The following KIF26B variants were observed in gnomAD, a reference collection of about 807,000 sequenced individuals.
KIF26B encodes kinesin-like protein KIF26B.
KIF26B carries 63 observed loss-of-function variants against 151.2 expected under a neutral mutation model. The ratio of observed to expected loss-of-function variants is 0.42; its 90% CI spans 0.34 to 0.51. KIF26B has a LOEUF of 0.51. Ranked by LOEUF, KIF26B falls within the 20% of genes least tolerant of loss-of-function variation. The pLI is 0.07. For missense variants in KIF26B, 2,813 were observed against 2,913.6 expected (o/e 0.97, Z 0.79); for synonymous variants, 1,357 against 1,262.1 (o/e 1.08, Z -1.59).
chr1:245,650,202 G>A (rs778853006), intron 10 of KIF26B, among the ~76,000 whole-genome samples: 13 of 152,180 alleles, frequency 8.5e-5, no homozygotes, highest in Non-Finnish European at 1.8e-4. Flanking sequence ...CCACCTCCAG[G>A]GAACCCTGCC....
rs150488108 is a variant in KIF26B at position 245,404,739 on chromosome 1, T to C, written c.1000-14840T>C. Among the ~76,000 whole-genome samples the C allele has an allele frequency of 3.3e-5, 5 of 152,296 alleles. No individual in the cohort carries two copies. In the East Asian group the frequency reaches 9.6e-4, roughly 29 times the overall value. ...TTTACTTAGTGAAGACATAATGAGA[T>C]GGTACAATTCTCTGGTGTCAACTTT... On this transcript the variant is annotated intron_variant, in intron 3 of 14. Transcript: ENST00000407071.
chr1:245,516,976 G>T lies in KIF26B; in HGVS notation c.1167-23791G>T, dbSNP rs1243758651. On this transcript the variant is annotated intron_variant, in intron 4 of 14. Coordinates refer to ENST00000407071, the MANE Select transcript of KIF26B (RefSeq NM_018012.4). The surrounding 1 kb of genome is among the most constrained non-coding windows in gnomAD (Gnocchi z 4.2). ...CTTTCACCCCCACCTGACCATGGTC[G>T]CAGTGGGGGGCTTTCTCTTGGTATT... is the stretch of plus-strand genomic sequence containing the variant. Among the ~76,000 whole-genome samples, 3 of 152,208 alleles carry T rather than the reference G, an allele frequency of 2.0e-5. No homozygotes were observed. The highest frequency in any genetic ancestry group is 6.5e-5 in the Admixed American group (1 of 15,284).
chr1:245,324,363 C>T (rs1385745029), intron 2 of KIF26B, among the ~76,000 whole-genome samples: 5 of 152,132 alleles, frequency 3.3e-5, no homozygotes, highest in Non-Finnish European at 7.4e-5. Flanking sequence ...ACATAGATTC[C>T]CCTTCTTATG....
At chr1:245,644,369 A>G (rs1338981259) in intron 9 of KIF26B, among the ~76,000 whole-genome samples, 2 of 151,906 alleles carry the variant, frequency 1.3e-5, no homozygotes, top group Non-Finnish European at 2.9e-5. Flanking sequence ...CCATGTTTCT[A>G]CTTAACTTTT....
chr1:245,188,137 A>T (rs945601308), intron 2 of KIF26B, among the ~76,000 whole-genome samples: 1 of 152,016 alleles, frequency 6.6e-6, no homozygotes, highest in Non-Finnish European at 1.5e-5. Flanking sequence ...AAAATTAGCC[A>T]GGTGTGGTGG....
chr1:245,360,625 A>G (rs942790401), intron 2 of KIF26B, among the ~76,000 whole-genome samples: 4 of 152,250 alleles, frequency 2.6e-5, no homozygotes, highest in East Asian at 1.9e-4. Context: ...ACTAAGTAAT[A>G]GAAGCAGGAC....
At position 245,564,976 on chromosome 1, in the gene KIF26B, A is replaced by T. The variant is rs571208127; in HGVS notation, c.1350+24026A>T. Among the ~76,000 whole-genome samples, 1 of 152,268 alleles carries T rather than the reference A, an allele frequency of 6.6e-6. No individual in the cohort carries two copies. Among genetic ancestry groups the T allele is most frequent in the African/African-American group, 2.4e-5 (1 of 41,536 alleles). The stretch of plus-strand genomic sequence containing the variant: ...TGGCCTGCTTCTTAACAGGACACCG[A>T]CTAGCACTGGTCCGTGGCCTGGGGG... On this transcript the variant is annotated intron_variant, in intron 5 of 14. Coordinates refer to ENST00000407071, the MANE Select transcript of KIF26B (RefSeq NM_018012.4). This position sits in a 1 kb window ranked among gnomAD's most constrained non-coding sequence, Gnocchi z 4.6.
At chr1:245,247,313 C>T (rs1670353065) in intron 2 of KIF26B, among the ~76,000 whole-genome samples, 2 of 149,798 alleles carry the variant, frequency 1.3e-5, no homozygotes, top group Non-Finnish European at 3.0e-5. Flanking sequence ...AAAAAATTAG[C>T]TGGGCGTGGT....
In KIF26B at chr1:245,682,465, CTG is replaced by C. The variant is rs555026906; in HGVS notation, c.2259-1766_2259-1765del. On this transcript the variant is annotated intron_variant, in intron 10 of 14. Transcript: ENST00000407071. ...CCTCCACTACTCATGTAAGACCTGA[CTG>C]TATATGATCACAACCTAACTGAGCA... 1.3e-4 allele frequency among the ~76,000 whole-genome samples: 18 copies of C among 137,484 alleles called. No homozygotes were observed. In the South Asian group the frequency reaches 3.9e-3, roughly 30 times the overall value. The allele number at this position is 137,484 out of a possible 152,430, so 90.2% of individuals were successfully genotyped here.
intron 5 of KIF26B, among the ~76,000 whole-genome samples, chr1:245,598,363 G>A (rs1386139448): frequency 1.3e-5 from 2 of 152,174 alleles, no homozygotes; most frequent in Admixed American, 6.5e-5. Flanking sequence ...TCTTACTGCT[G>A]AGGGATCCTT....
At chr1:245,574,863 TC>T (rs2043101816) in intron 5 of KIF26B, among the ~76,000 whole-genome samples, 1 of 143,660 alleles carries the variant, frequency 7.0e-6, no homozygotes, top group Non-Finnish European at 1.5e-5. Context: ...CTTTTTTTTT[TC>T]TTTTTTTTTT....
intron 4 of KIF26B, among the ~76,000 whole-genome samples, chr1:245,517,733 G>A (rs1025065228): frequency 5.3e-5 from 8 of 152,268 alleles, no homozygotes; most frequent in South Asian, 2.1e-4. Flanking sequence ...ATTCTGCTTC[G>A]GAGGGAAGGA....
chr1:245,539,775 C>T (rs1323136740), intron 4 of KIF26B, among the ~76,000 whole-genome samples: 2 of 152,164 alleles, frequency 1.3e-5, no homozygotes, highest in Non-Finnish European at 2.9e-5. Flanking sequence ...GCCTCAGCCT[C>T]CCGAATAGCT....
chr1:245,637,965 G>T (rs1346306457), intron 9 of KIF26B, among the ~76,000 whole-genome samples: 1 of 151,894 alleles, frequency 6.6e-6, no homozygotes, highest in African/African-American at 2.4e-5. Context: ...TTTTTGGTCA[G>T]TATTGATTTA....
At chr1:245,369,402 C>T (rs1384943231) in intron 3 of KIF26B, among the ~76,000 whole-genome samples, 3 of 152,116 alleles carry the variant, frequency 2.0e-5, no homozygotes, top group African/African-American at 7.2e-5. Context: ...TTCTCTAGAG[C>T]GTTTGAGAGT....
intron 2 of KIF26B, among the ~76,000 whole-genome samples, chr1:245,321,946 G>T (rs1046903959): frequency 9.2e-5 from 14 of 152,180 alleles, no homozygotes; most frequent in African/African-American, 3.4e-4. Flanking sequence ...AACCAAGAAA[G>T]TACGTTGAGA....
chr1:245,262,727 T>G (rs1242986874), intron 2 of KIF26B, among the ~76,000 whole-genome samples: 1 of 152,164 alleles, frequency 6.6e-6, no homozygotes, highest in Non-Finnish European at 1.5e-5. Context: ...AGTGCTGGGA[T>G]TACAGGCGTG....
chr1:245,410,722 C>T (rs1674258163), intron 3 of KIF26B, among the ~76,000 whole-genome samples: 1 of 152,176 alleles, frequency 6.6e-6, no homozygotes, highest in South Asian at 2.1e-4. Flanking sequence ...AGGCTTGAGC[C>T]ACCCCACCTG....
At chr1:245,305,958 GAAAA>G (rs1671531452) in intron 2 of KIF26B, among the ~76,000 whole-genome samples, 1 of 111,864 alleles carries the variant, frequency 8.9e-6, no homozygotes, top group Admixed American at 8.9e-5. Flanking sequence ...AAAAAAAAAA[GAAAA>G]GAAAATGTGA....
Sources: gnomAD v4.1 joint callset for allele counts (sites outside exome capture counted in the v4.1 genomes callset) on GRCh38, gnomAD v4.1.1 for gene constraint, Gnocchi (gnomAD v3.1) non-coding constraint, MANE v1.5 for transcripts, NCBI Gene and HGNC (gene_info 2026-07-23, HGNC 2026-07-21) for gene names.